Variants in PHF21A observed in about 807,000 individuals in gnomAD.
PHF21A encodes BHC80a.
Under a neutral mutation model 82.5 loss-of-function variants are expected in PHF21A, and 11 were observed. The ratio of observed to expected loss-of-function variants is 0.13; its 90% CI spans 0.08 to 0.22. The LOEUF (loss-of-function observed/expected upper bound fraction) is 0.22. Ranked by LOEUF, PHF21A falls within the 10% of genes least tolerant of loss-of-function variation. The pLI is 1.00. For synonymous variants in PHF21A, 297 were observed against 302.8 expected (o/e 0.98, Z 0.20); for missense variants, 579 against 837.8 (o/e 0.69, Z 3.81).
intron 1 of PHF21A, among the ~76,000 whole-genome samples, chr11:46,098,975 C>G (rs2097048132): frequency 6.6e-6 from 1 of 151,946 alleles, no homozygotes; most frequent in South Asian, 2.1e-4. Context: ...CTCTAAAGCA[C>G]AAGATAATTC....
At chr11:46,087,926 T>C (rs2096875728) in intron 3 of PHF21A, among the ~76,000 whole-genome samples, 1 of 152,108 alleles carries the variant, frequency 6.6e-6, no homozygotes, top group Non-Finnish European at 1.5e-5. Context: ...TGGCTAATTT[T>C]TGTATTTTTT....
At chr11:46,018,967 C>T (rs1365289397) in intron 6 of PHF21A, among the ~76,000 whole-genome samples, 1 of 152,074 alleles carries the variant, frequency 6.6e-6, no homozygotes, top group Non-Finnish European at 1.5e-5. Flanking sequence ...CAAGAACACA[C>T]ACATCATGTA....
intron 6 of PHF21A, among the ~76,000 whole-genome samples, chr11:46,024,053 A>G (rs918054953): frequency 1.3e-5 from 2 of 152,214 alleles, no homozygotes; most frequent in African/African-American, 4.8e-5. Context: ...CAGTTTGGGA[A>G]ATACTGGATT....
intron 6 of PHF21A, among the ~76,000 whole-genome samples, chr11:46,044,029 G>C (rs1257955117): frequency 6.6e-6 from 1 of 152,150 alleles, no homozygotes; most frequent in Non-Finnish European, 1.5e-5. Flanking sequence ...CTGTAAATTT[G>C]TTTTTACCTT....
At chr11:46,063,740 A>G (rs574923110) in intron 6 of PHF21A, among the ~76,000 whole-genome samples, 34 of 152,328 alleles carry the variant, frequency 2.2e-4, no homozygotes, top group African/African-American at 7.9e-4. Context: ...TAGAAATTTA[A>G]AGAGTTATAT....
At chr11:45,998,233 G>T (rs990578694) in intron 6 of PHF21A, among the ~76,000 whole-genome samples, 2 of 152,190 alleles carry the variant, frequency 1.3e-5, no homozygotes, top group African/African-American at 4.8e-5. Context: ...GTTTAGAAAA[G>T]GTTCTCAGAA....
At chr11:46,007,486 G>C (rs763360904) in intron 6 of PHF21A, among the ~76,000 whole-genome samples, 8 of 151,896 alleles carry the variant, frequency 5.3e-5, no homozygotes, top group African/African-American at 1.2e-4. Context: ...GCTTATTTTT[G>C]TATTTTTAGT....
chr11:46,112,297 T>C (rs1279147737), intron 1 of PHF21A, among the ~76,000 whole-genome samples: 2 of 152,188 alleles, frequency 1.3e-5, no homozygotes, highest in East Asian at 1.9e-4. Context: ...GATCAAATTA[T>C]ATTGTAAAAA....
chr11:46,016,484 A>G (rs1329263331), intron 6 of PHF21A, among the ~76,000 whole-genome samples: 1 of 152,088 alleles, frequency 6.6e-6, no homozygotes, highest in Non-Finnish European at 1.5e-5. Flanking sequence ...TCTCTCATGC[A>G]ACACCTTTCC....
At chr11:46,045,202 C>T (rs1195160312) in intron 6 of PHF21A, among the ~76,000 whole-genome samples, 2 of 152,302 alleles carry the variant, frequency 1.3e-5, no homozygotes, top group African/African-American at 4.8e-5. Context: ...CTTGCTTTCT[C>T]TCTTCTCATT....
chr11:46,083,933 T>C (rs1357824573), intron 4 of PHF21A, among the ~76,000 whole-genome samples: 3 of 152,204 alleles, frequency 2.0e-5, no homozygotes, highest in Non-Finnish European at 2.9e-5. Context: ...CTTTGGTATA[T>C]GAAAAAAATC....
chr11:46,016,586 T>C (rs1227963367), intron 6 of PHF21A, among the ~76,000 whole-genome samples: 4 of 152,100 alleles, frequency 2.6e-5, no homozygotes, highest in Non-Finnish European at 5.9e-5. Flanking sequence ...AGGATTAATA[T>C]CTCCCTTCTC....
intron 6 of PHF21A, among the ~76,000 whole-genome samples, chr11:46,024,851 C>T (rs576194857): frequency 6.6e-6 from 1 of 152,050 alleles, no homozygotes; most frequent in Admixed American, 6.6e-5. Flanking sequence ...AAGAATAAAC[C>T]TGCCATCCTG....
At chr11:45,961,845 T>A (rs1432268938) in intron 10 of PHF21A, among the ~76,000 whole-genome samples, 2 of 152,358 alleles carry the variant, frequency 1.3e-5, no homozygotes, top group Middle Eastern at 6.8e-3. Context: ...TCTGGCTTCA[T>A]CTACTTTTCT....
chr11:46,057,803 T>C (rs1378395078), intron 6 of PHF21A, among the ~76,000 whole-genome samples: 1 of 152,150 alleles, frequency 6.6e-6, no homozygotes, highest in Admixed American at 6.5e-5. Flanking sequence ...ATTTTCTAGA[T>C]GAGAGCCGAC....
At chr11:46,105,982 A>T (rs545848202) in intron 1 of PHF21A, among the ~76,000 whole-genome samples, 1 of 152,234 alleles carries the variant, frequency 6.6e-6, no homozygotes, top group Non-Finnish European at 1.5e-5. Context: ...CGGATTTAAT[A>T]TTTGTATACT....
At chr11:46,073,565 G>A (rs1485618132) in intron 6 of PHF21A, among the ~76,000 whole-genome samples, 4 of 152,130 alleles carry the variant, frequency 2.6e-5, no homozygotes, top group Non-Finnish European at 5.9e-5. Flanking sequence ...TAAACCACCT[G>A]TAAACTTAAC....
chr11:46,010,376 C>T (rs529482200), intron 6 of PHF21A, among the ~76,000 whole-genome samples: 1 of 152,298 alleles, frequency 6.6e-6, no homozygotes, highest in African/African-American at 2.4e-5. Context: ...TCGCAACAAT[C>T]TTGTGAAGAT....
intron 6 of PHF21A, among the ~76,000 whole-genome samples, chr11:46,035,120 C>G (rs1426573413): frequency 2.0e-5 from 3 of 152,192 alleles, no homozygotes; most frequent in Non-Finnish European, 2.9e-5. Context: ...TTAACATCCT[C>G]CCAATATGTC....
Sources: allele counts gnomAD v4.1 joint callset (sites outside exome capture counted in the v4.1 genomes callset), GRCh38; gene constraint gnomAD v4.1.1; transcripts MANE v1.5; gene names NCBI Gene and HGNC (gene_info 2026-07-23, HGNC 2026-07-21).